RTL4: variants seen among roughly 807,000 people sequenced by gnomAD.
RTL4 encodes retrotransposon Gag like 4, also known as retrotransposon Gag-like protein 4.
In RTL4, 4 loss-of-function variants were observed where a neutral mutation model predicts 5.3. That is an observed-to-expected ratio of 0.75 (90% CI 0.37 to 1.72). The LOEUF is 1.72. Ranked by LOEUF, RTL4 falls within the 40% of genes most tolerant of loss-of-function variation. RTL4 has a pLI of 0.04. For missense variants in RTL4, 260 were observed against 227.1 expected (o/e 1.14, Z -0.93); for synonymous variants, 98 against 87.3 (o/e 1.12, Z -0.68).
the RTL4 span, among the ~76,000 whole-genome samples, chrX:112,172,621 C>A: frequency 9.0e-6 from 1 of 110,793 alleles, no homozygotes; most frequent in Non-Finnish European, 1.9e-5. Context: ...GATCTAGAAG[C>A]AGAAATACTA....
At chrX:112,156,029 A>C in the RTL4 span, among the ~76,000 whole-genome samples, 1 of 112,194 alleles carries the variant, frequency 8.9e-6, no homozygotes, top group Non-Finnish European at 1.9e-5. Flanking sequence ...TTTAGTGGCT[A>C]TTGGCCATTG....
the RTL4 span, among the ~76,000 whole-genome samples, chrX:112,375,657 C>A: frequency 9.0e-6 from 1 of 111,549 alleles, no homozygotes; most frequent in African/African-American, 3.3e-5. Context: ...TTTGCTCCAA[C>A]AGTGTGCTGA....
the RTL4 span, among the ~76,000 whole-genome samples, chrX:112,108,190 T>C: frequency 8.9e-6 from 1 of 112,082 alleles, no homozygotes; most frequent in Admixed American, 9.5e-5. Flanking sequence ...TTTATCATTT[T>C]TGTCACCTAC....
At chrX:112,176,788 GT>G in the RTL4 span, among the ~76,000 whole-genome samples, 2 of 109,813 alleles carry the variant, frequency 1.8e-5, no homozygotes, top group Admixed American at 9.8e-5. Flanking sequence ...TATTTAATTG[GT>G]TTTTTTTACT....
At chrX:112,143,471 T>C in the RTL4 span, among the ~76,000 whole-genome samples, 4 of 111,689 alleles carry the variant, frequency 3.6e-5, no homozygotes, top group African/African-American at 1.3e-4. Context: ...CACTCAAGAT[T>C]CGCTGTTTTC....
the RTL4 span, among the ~76,000 whole-genome samples, chrX:112,442,372 C>G: frequency 2.8e-5 from 3 of 108,506 alleles, no homozygotes; most frequent in African/African-American, 1.0e-4. Context: ...TCACGAGTAG[C>G]TAGGATTACA....
the RTL4 span, among the ~76,000 whole-genome samples, chrX:112,355,524 A>G: frequency 1.7e-3 from 188 of 111,493 alleles, no homozygotes; most frequent in African/African-American, 5.8e-3. Context: ...AAAGAAAAAG[A>G]CTGGAACTTT....
chrX:112,445,989 G>A, the RTL4 span, among the ~76,000 whole-genome samples: 1 of 111,611 alleles, frequency 9.0e-6, no homozygotes, highest in African/African-American at 3.3e-5. Context: ...GTCAGACAAT[G>A]AAAAGGAAGA....
chrX:112,202,190 T>C, the RTL4 span, among the ~76,000 whole-genome samples: 2 of 112,062 alleles, frequency 1.8e-5, no homozygotes, highest in Admixed American at 9.5e-5. Flanking sequence ...TTCTGTAATT[T>C]TGTCATTTCA....
chrX:112,438,493 G>A, the RTL4 span, among the ~76,000 whole-genome samples: 1 of 112,686 alleles, frequency 8.9e-6, no homozygotes, highest in Admixed American at 9.4e-5. Context: ...GGCAGCAGTG[G>A]CATGGAAGCA....
chrX:112,401,618 C>CTT, the RTL4 span, among the ~76,000 whole-genome samples: 18 of 107,924 alleles, frequency 1.7e-4, no homozygotes, highest in East Asian at 2.9e-4. Context: ...AAATTCTAGA[C>CTT]TTTTTTTTTA....
the RTL4 span, among the ~76,000 whole-genome samples, chrX:112,166,637 G>A: frequency 6.3e-5 from 7 of 111,866 alleles, no homozygotes; most frequent in African/African-American, 1.3e-4. Flanking sequence ...TGCAGCCTGT[G>A]CTTGAAAGTA....
chrX:112,371,505 C>A, the RTL4 span, among the ~76,000 whole-genome samples: 1 of 111,550 alleles, frequency 9.0e-6, no homozygotes, highest in Non-Finnish European at 1.9e-5. Context: ...TTAATTTCCA[C>A]AAAGTACATT....
chrX:112,449,641 C>T (rs1457887019), upstream of RTL4, among the ~76,000 whole-genome samples: 1 of 111,413 alleles, frequency 9.0e-6, no homozygotes, highest in African/African-American at 3.3e-5. Context: ...TTCTGATGTA[C>T]CCTGAAATTT....
the RTL4 span, among the ~76,000 whole-genome samples, chrX:112,232,143 C>G: frequency 9.0e-6 from 1 of 110,871 alleles, no homozygotes; most frequent in South Asian, 3.9e-4. Flanking sequence ...GGAGGGAAAG[C>G]CTAGAAATGT....
At chrX:112,445,042 A>G in the RTL4 span, among the ~76,000 whole-genome samples, 169 of 111,915 alleles carry the variant, frequency 1.5e-3, no homozygotes, top group Non-Finnish European at 2.8e-3. Flanking sequence ...AATATGAACT[A>G]TTAGCAAGAT....
At chrX:112,253,520 G>T in the RTL4 span, among the ~76,000 whole-genome samples, 1 of 112,281 alleles carries the variant, frequency 8.9e-6, no homozygotes, top group Non-Finnish European at 1.9e-5. Flanking sequence ...TGGTATTATG[G>T]ACCTGTGGGA....
the RTL4 span, among the ~76,000 whole-genome samples, chrX:112,313,914 G>A: frequency 1.8e-5 from 2 of 110,804 alleles, no homozygotes; most frequent in African/African-American, 6.6e-5. Flanking sequence ...GAATTTAGAG[G>A]GGAAAGGGAG....
the RTL4 span, among the ~76,000 whole-genome samples, chrX:112,261,666 T>C: frequency 8.9e-6 from 1 of 111,892 alleles, no homozygotes; most frequent in Admixed American, 9.5e-5. Context: ...TACCAATGAC[T>C]TTCTTCATAG....
Sources: allele counts gnomAD v4.1 joint callset (sites outside exome capture counted in the v4.1 genomes callset), GRCh38; gene constraint gnomAD v4.1.1; transcripts MANE v1.5; gene names NCBI Gene and HGNC (gene_info 2026-07-23, HGNC 2026-07-21).